Variants in NAV2 observed in about 807,000 individuals in gnomAD.
NAV2 encodes the protein helicase, APC down-regulated 1.
Under a neutral mutation model 223.2 loss-of-function variants are expected in NAV2, and 54 were observed. That is an observed-to-expected ratio of 0.24 (90% CI 0.19 to 0.30). The LOEUF (loss-of-function observed/expected upper bound fraction) is 0.30. Ranked by LOEUF, NAV2 falls within the 10% of genes least tolerant of loss-of-function variation. The pLI is 1.00. For synonymous variants in NAV2, 1,279 were observed against 1,239.3 expected (o/e 1.03, Z -0.67); for missense variants, 2,806 against 3,147.5 (o/e 0.89, Z 2.60).
rs915066695 is a variant in NAV2 at position 19,826,510 on chromosome 11, A to G, written c.268-5974A>G. Among the ~76,000 whole-genome samples, 13 of 152,190 alleles carry G rather than the reference A, an allele frequency of 8.5e-5. 1 individual carries two copies. Among genetic ancestry groups the G allele is most frequent in the African/African-American group, 3.1e-4 (13 of 41,438 alleles). On this transcript the variant is annotated intron_variant, in intron 1 of 37. Coordinates refer to ENST00000349880, the MANE Select transcript of NAV2 (RefSeq NM_145117.5). The stretch of plus-strand genomic sequence containing the variant: ...ATTTTTCAAGGGTACCCCTTGGAAG[A>G]ATGATTTTCCTTGCATGAGCTAATG...
Position 19,879,910 on chromosome 11 carries a change from T to C in NAV2, c.553T>C (p.Phe185Leu). Residue 185 changes from phenylalanine (F) to leucine (L), a missense_variant, in exon 5 of 38, where the codon TTC (phenylalanine) becomes CTC (leucine). Physicochemically the swap from Phe to Leu is conservative, Grantham distance 22 (BLOSUM62 0). Transcript: ENST00000349880. Reference sequence around the variant, plus strand: ...CCTCAAGGCCATTCTAGGCCTCTTCTTCAGCCTCTCCCGATACAAGCAGCA... The same window carrying C: ...CCTCAAGGCCATTCTAGGCCTCTTCCTCAGCCTCTCCCGATACAAGCAGCA... Reference protein sequence around the residue: ...GNLKAILGLFFSLSRYKQQQQ... With the variant: ...GNLKAILGLFLSLSRYKQQQQ... 1 of 1,613,886 alleles carries C rather than the reference T, an allele frequency of 6.2e-7. No homozygotes were observed. Among genetic ancestry groups the C allele is most frequent in the Non-Finnish European group, 8.5e-7 (1 of 1,180,036 alleles).
intron 1 of NAV2, among the ~76,000 whole-genome samples, chr11:19,626,127 C>G (rs2047162784): frequency 6.6e-6 from 1 of 152,130 alleles, no homozygotes; most frequent in Non-Finnish European, 1.5e-5. Context: ...CATCCTGAAG[C>G]ATTTCCCTTA....
intron 17 of NAV2, among the ~76,000 whole-genome samples, chr11:20,053,857 T>A (rs937377448): frequency 6.6e-5 from 10 of 152,188 alleles, no homozygotes; most frequent in African/African-American, 2.4e-4. Flanking sequence ...CCTTTATGTG[T>A]TCCCTCCAAA....
intron 14 of NAV2, among the ~76,000 whole-genome samples, chr11:20,046,972 T>C (rs532676008): frequency 6.6e-6 from 1 of 152,330 alleles, no homozygotes; most frequent in African/African-American, 2.4e-5. Flanking sequence ...ACAGGAATGT[T>C]TGAAAAGACT....
intron 1 of NAV2, among the ~76,000 whole-genome samples, chr11:19,814,000 T>C (rs1208049862): frequency 2.0e-5 from 3 of 152,300 alleles, no homozygotes; most frequent in Admixed American, 6.5e-5. Context: ...CTTTCATCTG[T>C]GGAAAGCTAG....
chr11:19,847,024 G>A (rs991229561), intron 3 of NAV2, among the ~76,000 whole-genome samples: 3 of 152,300 alleles, frequency 2.0e-5, no homozygotes, highest in East Asian at 1.9e-4. Flanking sequence ...GCGTGTGTGC[G>A]TCAGAGCTGG....
intron 8 of NAV2, among the ~76,000 whole-genome samples, chr11:19,942,149 C>T (rs947062881): frequency 2.0e-5 from 3 of 152,216 alleles, no homozygotes; most frequent in African/African-American, 7.2e-5. Flanking sequence ...GCTGTTTCCA[C>T]TGGAGCTCGA....
intron 1 of NAV2, among the ~76,000 whole-genome samples, chr11:19,703,982 G>A (rs539449458): frequency 1.3e-5 from 2 of 151,722 alleles, no homozygotes; most frequent in Admixed American, 1.3e-4. Flanking sequence ...TTTTTCAAAT[G>A]CAGACTCACA....
At chr11:19,832,822 C>G (rs1333376068) in intron 2 of NAV2, among the ~76,000 whole-genome samples, 2 of 152,174 alleles carry the variant, frequency 1.3e-5, no homozygotes, top group African/African-American at 4.8e-5. Context: ...TCTTGATTCT[C>G]TTAGAAGAAA....
chr11:19,678,601 G>A (rs1230600275), intron 1 of NAV2, among the ~76,000 whole-genome samples: 1 of 152,216 alleles, frequency 6.6e-6, no homozygotes, highest in African/African-American at 2.4e-5. Context: ...ACCCGCGTCT[G>A]AGGAGCCCGC....
At chr11:19,420,365 A>C (rs930302639) in intron 1 of NAV2, among the ~76,000 whole-genome samples, 1 of 152,168 alleles carries the variant, frequency 6.6e-6, no homozygotes, top group Non-Finnish European at 1.5e-5. Context: ...GATATGAAAA[A>C]CTGTCAGTAT....
intron 6 of NAV2, among the ~76,000 whole-genome samples, chr11:19,908,548 A>T (rs573876619): frequency 2.0e-5 from 3 of 152,338 alleles, no homozygotes; most frequent in Admixed American, 6.5e-5. Context: ...GTGCTGTCTA[A>T]TATGGTAGCC....
At chr11:19,946,952 C>T (rs1283929347) in intron 9 of NAV2, among the ~76,000 whole-genome samples, 1 of 152,142 alleles carries the variant, frequency 6.6e-6, no homozygotes, top group African/African-American at 2.4e-5. Flanking sequence ...TTTATAAAAA[C>T]TTATGATCAT....
At chr11:19,914,633 T>C (rs998588130) in intron 6 of NAV2, among the ~76,000 whole-genome samples, 4 of 151,450 alleles carry the variant, frequency 2.6e-5, no homozygotes, top group African/African-American at 7.3e-5. Context: ...CAAGCTCCGC[T>C]TCCCGGGTTC....
At chr11:19,924,425 A>G (rs1486581798) in intron 6 of NAV2, among the ~76,000 whole-genome samples, 1 of 152,194 alleles carries the variant, frequency 6.6e-6, no homozygotes, top group East Asian at 1.9e-4. Flanking sequence ...ACCTTGTCAC[A>G]TATTACAAAG....
intron 1 of NAV2, among the ~76,000 whole-genome samples, chr11:19,655,062 C>G (rs1015194778): frequency 6.6e-6 from 1 of 152,144 alleles, no homozygotes; most frequent in East Asian, 1.9e-4. Flanking sequence ...ACAAACAACC[C>G]CATCAACAAG....
chr11:19,574,618 T>A (rs938231751), intron 1 of NAV2, among the ~76,000 whole-genome samples: 1 of 152,156 alleles, frequency 6.6e-6, no homozygotes, highest in Non-Finnish European at 1.5e-5. Flanking sequence ...CTTCCTTCCA[T>A]CCCGTTTATT....
intron 1 of NAV2, among the ~76,000 whole-genome samples, chr11:19,784,403 A>AT (rs2056959761): frequency 6.7e-6 from 1 of 149,254 alleles, no homozygotes; most frequent in African/African-American, 2.5e-5. Flanking sequence ...AAAAAAAAAA[A>AT]AAAAAAAAAA....
intron 1 of NAV2, among the ~76,000 whole-genome samples, chr11:19,698,629 C>T (rs2049417463): frequency 6.6e-6 from 1 of 152,212 alleles, no homozygotes; most frequent in South Asian, 2.1e-4. Flanking sequence ...TTTCCTCTCT[C>T]CACAATGGCA....
Sources: gnomAD v4.1 joint callset for allele counts (sites outside exome capture counted in the v4.1 genomes callset) on GRCh38, gnomAD v4.1.1 for gene constraint, MANE v1.5 for transcripts, NCBI Gene and HGNC (gene_info 2026-07-23, HGNC 2026-07-21) for gene names.